BBS9: variants seen among roughly 807,000 people sequenced by gnomAD.
BBS9 encodes the protein protein PTHB1.
In BBS9, 89 loss-of-function variants were observed where a neutral mutation model predicts 117.7. The ratio of observed to expected loss-of-function variants is 0.76; its 90% CI spans 0.64 to 0.90. The LOEUF (loss-of-function observed/expected upper bound fraction) is 0.90. BBS9 is among the 40% of genes least tolerant of loss of function. The pLI is 0.00. For synonymous variants in BBS9, 379 were observed against 370.9 expected, an observed-to-expected ratio of 1.02 and a Z score of -0.25; for missense variants, 982 against 1,042.2, an observed-to-expected ratio of 0.94 and a Z score of 0.80.
intron 19 of BBS9, chr7:33,390,612 A>G (rs553424478): frequency 2.8e-5 from 27 of 968,966 alleles, no homozygotes; most frequent in African/African-American, 7.0e-5. Flanking sequence ...TGATTGTTCA[A>G]TAAGTTTCAT....
intron 16 of BBS9, among the ~76,000 whole-genome samples, chr7:33,364,949 G>C (rs549593571): frequency 6.6e-6 from 1 of 151,566 alleles, no homozygotes; most frequent in Non-Finnish European, 1.5e-5. Context: ...GGCTGATCTC[G>C]AACTGCTGAG....
At chr7:33,518,245 CTTTTTTTTTTT>C (rs747829401) in intron 20 of BBS9, among the ~76,000 whole-genome samples, 1 of 93,934 alleles carries the variant, frequency 1.1e-5, no homozygotes, top group East Asian at 3.0e-4. Flanking sequence ...TGTATATATT[CTTTTTTTTTTT>C]TTTTTTTTTT....
intron 21 of BBS9, among the ~76,000 whole-genome samples, chr7:33,632,320 A>G (rs948617044): frequency 6.6e-6 from 1 of 152,072 alleles, no homozygotes; most frequent in Non-Finnish European, 1.5e-5. Flanking sequence ...CACCGACCCT[A>G]TGGTGGGGGG....
chr7:33,244,074 A>T (rs541251035), intron 5 of BBS9, among the ~76,000 whole-genome samples: 1 of 152,268 alleles, frequency 6.6e-6, no homozygotes. Flanking sequence ...AATAAAAAAT[A>T]CAAAAATTAG....
intron 19 of BBS9, among the ~76,000 whole-genome samples, chr7:33,431,902 G>A (rs1159687494): frequency 6.6e-6 from 1 of 151,836 alleles, no homozygotes; most frequent in African/African-American, 2.4e-5. Context: ...TGCTTTTGAG[G>A]GAATGAACAT....
intron 21 of BBS9, among the ~76,000 whole-genome samples, chr7:33,569,251 T>C (rs1857386057): frequency 6.6e-6 from 1 of 152,180 alleles, no homozygotes; most frequent in African/African-American, 2.4e-5. Flanking sequence ...AGTGAATTTG[T>C]GTATCCTAGC....
chr7:33,611,511 A>G (rs1038241991), intron 21 of BBS9, among the ~76,000 whole-genome samples: 14 of 142,028 alleles, frequency 9.9e-5, no homozygotes, highest in African/African-American at 3.4e-4. Flanking sequence ...AAGGTATATT[A>G]TATATAATAT....
chr7:33,461,901 A>G (rs1365787030), intron 19 of BBS9, among the ~76,000 whole-genome samples: 1 of 152,012 alleles, frequency 6.6e-6, no homozygotes, highest in Non-Finnish European at 1.5e-5. Flanking sequence ...TACATTCAGA[A>G]ATAGTGTTTG....
intron 1 of BBS9, among the ~76,000 whole-genome samples, chr7:33,140,568 T>A (rs1198420705): frequency 6.6e-6 from 1 of 152,208 alleles, no homozygotes; most frequent in Non-Finnish European, 1.5e-5. Flanking sequence ...GTGAATGATG[T>A]ATCCTCATTC....
chr7:33,565,844 T>TATATATATATATATA (rs5883407), intron 21 of BBS9, among the ~76,000 whole-genome samples: 100 of 79,990 alleles, frequency 1.3e-3, no homozygotes, highest in Non-Finnish European at 1.7e-3. Context: ...TATATACTGC[T>TATATATATATATATA]TATATATATA....
intron 15 of BBS9, among the ~76,000 whole-genome samples, chr7:33,356,334 A>G (rs1293517757): frequency 6.6e-6 from 1 of 151,812 alleles, no homozygotes; most frequent in Non-Finnish European, 1.5e-5. Context: ...TGCTTTGTGC[A>G]GTATCTTAGA....
Position 33,227,381 on chromosome 7 carries a change from C to T in BBS9, c.443-29855C>T, listed in dbSNP as rs1421870272. Among the ~76,000 whole-genome samples, 4 of 152,068 alleles carry T rather than the reference C, an allele frequency of 2.6e-5. No individual in the cohort carries two copies. In the East Asian group the frequency reaches 7.7e-4, roughly 29 times the overall value. On this transcript the variant is annotated intron_variant, in intron 5 of 22. Transcript: ENST00000242067. The stretch of plus-strand genomic sequence containing the variant: ...CAGGCTAGTCTCAAACTCTTGACCT[C>T]AAGTGATCCCCTGCCTTGATCCTCC...
intron 9 of BBS9, among the ~76,000 whole-genome samples, chr7:33,290,567 G>A (rs1803830909): frequency 6.6e-6 from 1 of 152,046 alleles, no homozygotes; most frequent in Non-Finnish European, 1.5e-5. Context: ...CATTAAAAAA[G>A]GCAAAATTTA....
Position 33,580,026 on chromosome 7 carries a change from T to C in BBS9, c.2522-24839T>C, listed in dbSNP as rs1349421. On this transcript the variant is annotated intron_variant, in intron 21 of 22. Transcript: ENST00000242067. ...CAATTTATTTATGATAACAATAACA[T>C]TTGTCGACCACTTTTGTATGCCTGG... Among the ~76,000 whole-genome samples, 813 of 152,296 alleles carry C rather than the reference T, an allele frequency of 5.3e-3. 13 individuals carry two copies. Among genetic ancestry groups the C allele is most frequent in the African/African-American group, 0.019 (785 of 41,564 alleles).
chr7:33,213,664 TC>T (rs1788481268), intron 5 of BBS9, among the ~76,000 whole-genome samples: 1 of 152,132 alleles, frequency 6.6e-6, no homozygotes, highest in Non-Finnish European at 1.5e-5. Context: ...TGCCGGTTAT[TC>T]AGGGCTCAGG....
chr7:33,443,483 C>G (rs1014771328), intron 19 of BBS9, among the ~76,000 whole-genome samples: 1 of 152,004 alleles, frequency 6.6e-6, no homozygotes, highest in Non-Finnish European at 1.5e-5. Context: ...AATTGTCTCT[C>G]AAGGACAATA....
chr7:33,284,892 C>T (rs558752336), intron 9 of BBS9, among the ~76,000 whole-genome samples: 1 of 152,224 alleles, frequency 6.6e-6, no homozygotes, highest in South Asian at 2.1e-4. Context: ...TCCCTCCTAC[C>T]TCCTGTATCT....
rs190366286 is a variant in BBS9, at chr7:33,213,610, A to G, written c.442+36019A>G. Among the ~76,000 whole-genome samples, 803 of 152,284 alleles carry G rather than the reference A, an allele frequency of 5.3e-3. 11 individuals carry two copies. Among genetic ancestry groups the G allele is most frequent in the African/African-American group, 0.018 (758 of 41,554 alleles). On this transcript the variant is annotated intron_variant, in intron 5 of 22. Transcript: ENST00000242067. ...GTGCTGGGTCACATGTGTCATTAGC[A>G]TGTCTCAGAGCCCAGGGCACACTGT...
intron 21 of BBS9, among the ~76,000 whole-genome samples, chr7:33,594,671 T>C (rs1454108513): frequency 6.6e-6 from 1 of 152,060 alleles, no homozygotes; most frequent in South Asian, 2.1e-4. Flanking sequence ...ACATAAGTCT[T>C]CCAGTCTTAC....
Sources: allele counts gnomAD v4.1 joint callset (sites outside exome capture counted in the v4.1 genomes callset), GRCh38; gene constraint gnomAD v4.1.1; transcripts MANE v1.5; gene names NCBI Gene and HGNC (gene_info 2026-07-23, HGNC 2026-07-21).